The following SPNS3 variants were observed in gnomAD, a reference collection of about 807,000 sequenced individuals.
The protein encoded by SPNS3 is SPNS lysolipid transporter 3, sphingosine-1-phosphate (putative), also known as protein spinster homolog 3.
Under a neutral mutation model 54.4 loss-of-function variants are expected in SPNS3, and 51 were observed. That is an observed-to-expected ratio of 0.94 (90% CI 0.75 to 1.18). SPNS3 has a LOEUF of 1.18. Among genes scored for constraint, SPNS3 ranks in the 50% most tolerant of loss-of-function variants. The pLI is 0.00. For missense variants in SPNS3, 669 were observed against 677.4 expected (o/e 0.99, Z 0.14); for synonymous variants, 309 against 294.7 (o/e 1.05, Z -0.50).
intron 1 of SPNS3, among the ~76,000 whole-genome samples, chr17:4,436,745 A>T (rs1016468898): frequency 1.3e-5 from 2 of 152,230 alleles, no homozygotes; most frequent in African/African-American, 4.8e-5. Flanking sequence ...GGGGAGCCAT[A>T]TAATTGGATT....
chr17:4,441,681 C>T (rs907856136), intron 2 of SPNS3, among the ~76,000 whole-genome samples: 10 of 151,980 alleles, frequency 6.6e-5, no homozygotes, highest in Non-Finnish European at 1.3e-4. Context: ...ACTGCAACCT[C>T]TGACTCCTGG....
rs566794619 is a variant in SPNS3 at position 4,450,305 on chromosome 17, CTCTCTTTCTTTCTTT to C, written c.923+919_923+933del. ...CCTCTCTTCTCTTCTCTCCTTCCTT[CTCTCTTTCTTTCTTT>C]CTCCCTCCCTCCCTCTCCCTCTCCC... On this transcript the variant is annotated intron_variant, in intron 7 of 11. Transcript: ENST00000355530. Among the ~76,000 whole-genome samples the C allele has an allele frequency of 7.1e-3, 1,074 of 150,908 alleles. 18 individuals carry two copies. Among genetic ancestry groups the C allele is most frequent in the African/African-American group, 0.025 (1,007 of 40,908 alleles).
At chr17:4,480,140 G>GC (rs1972114047) in intron 9 of SPNS3, among the ~76,000 whole-genome samples, 1 of 152,028 alleles carries the variant, frequency 6.6e-6, no homozygotes, top group African/African-American at 2.4e-5. Context: ...CACGGCCCAG[G>GC]CCCAGCGAGT....
Position 4,446,056 on chromosome 17 carries a change from G to C in SPNS3, c.411G>C (p.Trp137Cys). Reference protein sequence around the residue: ...SSSFISPRYSWLFFLSRGIVG... With the variant: ...SSSFISPRYSCLFFLSRGIVG... ...TGTGCCTGCTCGCCCAGTATTCTTG[G>C]CTCTTCTTCCTGTCCCGGGGCATCG... Residue 137 changes from tryptophan (W) to cysteine (C), a missense_variant, in exon 4 of 12, where the codon TGG becomes TGC. Coordinates refer to ENST00000355530, the MANE Select transcript of SPNS3 (RefSeq NM_182538.5). 6.2e-7 allele frequency: 1 copy of C among 1,607,540 alleles called. No homozygotes were observed. Among genetic ancestry groups the C allele is most frequent in the South Asian group, 1.1e-5 (1 of 90,712 alleles).
intron 8 of SPNS3, among the ~76,000 whole-genome samples, chr17:4,460,756 G>C (rs1971477548): frequency 6.6e-6 from 1 of 151,822 alleles, no homozygotes; most frequent in Non-Finnish European, 1.5e-5. Flanking sequence ...TGCTGGATTT[G>C]AGTTTGTAGT....
In SPNS3 at chr17:4,446,162, G is replaced by A. The variant is rs375104375; in HGVS notation, c.517G>A (p.Val173Met). 19 of 1,613,104 alleles carry A rather than the reference G, an allele frequency of 1.2e-5. No individual in the cohort carries two copies. Among genetic ancestry groups the A allele is most frequent in the South Asian group, 7.7e-5 (7 of 90,994 alleles). ...DLFVRDQRTR[V>M]LAVFYIFIPV... ...CTTCGTGAGGGACCAGCGCACCCGC[G>A]TGCTGGCTGTCTTCTACATCTTTAT... Residue 173 changes from valine (V) to methionine (M), a missense_variant, in exon 4 of 12, where the codon GTG becomes ATG. Physicochemically the swap from Val to Met is conservative, Grantham distance 21. Coordinates refer to ENST00000355530, the MANE Select transcript of SPNS3 (RefSeq NM_182538.5).
chr17:4,486,052 G>T lies in SPNS3; in HGVS notation c.1180-176G>T. 1.9e-6 allele frequency: 1 copy of T among 534,780 alleles called. No individual in the cohort carries two copies. The highest frequency in any genetic ancestry group is 3.2e-6 in the Non-Finnish European group (1 of 314,350). The allele number at this position is 534,780 out of a possible 1,614,324, so 33.1% of individuals were successfully genotyped here. ...GGGGCACTGGGGAAGCTTCAGATGG[G>T]CTTGATGTCTTGATGTTCTGGGGTG... On this transcript the variant is annotated intron_variant, in intron 9 of 11. Coordinates refer to ENST00000355530, the MANE Select transcript of SPNS3 (RefSeq NM_182538.5). This position sits in a 1 kb window ranked among gnomAD's most constrained non-coding sequence, Gnocchi z 5.5.
intron 8 of SPNS3, among the ~76,000 whole-genome samples, chr17:4,457,313 G>T (rs1971340972): frequency 2.6e-5 from 4 of 152,162 alleles, no homozygotes; most frequent in Admixed American, 2.6e-4. Context: ...AATTGTTTGA[G>T]CCCCAGTGAT....
At chr17:4,452,159 T>C (rs949480134) in intron 7 of SPNS3, among the ~76,000 whole-genome samples, 1 of 152,138 alleles carries the variant, frequency 6.6e-6, no homozygotes, top group Non-Finnish European at 1.5e-5. Flanking sequence ...TGCAGTGGTA[T>C]GATCATAGCT....
In SPNS3 at chr17:4,486,251, G is replaced by T; in HGVS notation, c.1203G>T (p.Arg401=). Reference sequence around the variant, plus strand: ...AGTCTGTGGTGGTGCCCAGATGCCGGGGGACGGCAGAGGCACTTCAGATCA... The same window carrying T: ...AGTCTGTGGTGGTGCCCAGATGCCGTGGGACGGCAGAGGCACTTCAGATCA... ...ILLSVVVPRC[R]GTAEALQITV... The change falls in exon 10 of 12, where the codon CGG becomes CGT. Residue 401 remains arginine, a synonymous_variant. Coordinates refer to ENST00000355530, the MANE Select transcript of SPNS3 (RefSeq NM_182538.5). The surrounding 1 kb of genome is among the most constrained non-coding windows in gnomAD (Gnocchi z 5.5). The T allele has an allele frequency of 6.4e-7, 1 of 1,570,064 alleles. No individual in the cohort carries two copies. The highest frequency in any genetic ancestry group is 8.6e-7 in the Non-Finnish European group (1 of 1,161,820).
At chr17:4,458,355 C>T (rs1971370994) in intron 8 of SPNS3, among the ~76,000 whole-genome samples, 1 of 139,912 alleles carries the variant, frequency 7.1e-6, no homozygotes, top group African/African-American at 2.5e-5. Context: ...CTCCCTTCCT[C>T]TCCCTCTCTC....
intron 1 of SPNS3, among the ~76,000 whole-genome samples, chr17:4,434,986 A>T (rs1970677046): frequency 6.7e-6 from 1 of 148,338 alleles, no homozygotes. Context: ...TATTTTTAGT[A>T]GAGACGGGGT....
At chr17:4,482,422 C>G (rs1972187340) in intron 9 of SPNS3, 1 of 152,172 alleles carries the variant, frequency 6.6e-6, no homozygotes, top group Non-Finnish European at 1.5e-5. Context: ...CCCAAGTGAT[C>G]CTGCCGTAGC....
chr17:4,468,761 C>CTTTCTTTCTT (rs767888670), intron 8 of SPNS3, among the ~76,000 whole-genome samples: 2 of 119,134 alleles, frequency 1.7e-5, no homozygotes, highest in East Asian at 2.5e-4. Context: ...TTCTTTCTTT[C>CTTTCTTTCTT]TCTCTTTCTT....
intron 8 of SPNS3, among the ~76,000 whole-genome samples, chr17:4,459,086 C>T (rs1264273847): frequency 6.6e-6 from 1 of 152,098 alleles, no homozygotes; most frequent in African/African-American, 2.4e-5. Context: ...CCTTCAAGGG[C>T]CAGCTTACCA....
chr17:4,442,772 C>T (rs190548275), intron 2 of SPNS3, among the ~76,000 whole-genome samples: 1 of 152,204 alleles, frequency 6.6e-6, no homozygotes, highest in Non-Finnish European at 1.5e-5. Flanking sequence ...GTCCATTTTA[C>T]AGATGATGAA....
chr17:4,472,212 C>T (rs4790634), intron 8 of SPNS3, among the ~76,000 whole-genome samples: 130,346 of 152,134 alleles, frequency 0.86, 56,213 homozygotes, highest in East Asian at 1. Flanking sequence ...TTTCCTTTTC[C>T]ACAATATGTA....
chr17:4,436,110 T>C (rs531428385), intron 1 of SPNS3, among the ~76,000 whole-genome samples: 7 of 152,172 alleles, frequency 4.6e-5, no homozygotes, highest in Admixed American at 3.9e-4. Context: ...GACCATCTCA[T>C]GGGGCAGAGA....
intron 8 of SPNS3, among the ~76,000 whole-genome samples, chr17:4,458,630 TTTC>T (rs1567564033): frequency 1.2e-4 from 16 of 137,176 alleles, no homozygotes; most frequent in South Asian, 2.3e-4. Flanking sequence ...TCTTTCTTTC[TTTC>T]TTTCTTTCTT....
Sources: gnomAD v4.1 joint callset for allele counts (sites outside exome capture counted in the v4.1 genomes callset) on GRCh38, gnomAD v4.1.1 for gene constraint, Gnocchi (gnomAD v3.1) non-coding constraint, MANE v1.5 for transcripts, NCBI Gene and HGNC (gene_info 2026-07-23, HGNC 2026-07-21) for gene names.